The following TBL1X variants were observed in gnomAD, a reference collection of about 807,000 sequenced individuals.
TBL1X encodes the protein F-box-like/WD repeat-containing protein TBL1X.
A neutral mutation model predicts 50.7 loss-of-function variants in TBL1X; 10 were observed. The observed-to-expected ratio is 0.20, with a 90% CI of 0.12 to 0.33. The LOEUF (loss-of-function observed/expected upper bound fraction) is 0.33, where lower values mean the gene tolerates loss of function less well. TBL1X is among the 10% of genes least tolerant of loss of function. The probability of loss-of-function intolerance (pLI) is 1.00; values close to 1 mark genes in which losing one functional copy is unlikely to be tolerated. For missense variants in TBL1X, 340 were observed against 504.4 expected, an observed-to-expected ratio of 0.67 and a Z score of 3.12; for synonymous variants, 190 against 214.7, an observed-to-expected ratio of 0.88 and a Z score of 1.01.
chrX:9,572,895 C>T (rs1368477256), intron 2 of TBL1X, among the ~76,000 whole-genome samples: 4 of 112,342 alleles, frequency 3.6e-5, no homozygotes, highest in African/African-American at 9.7e-5. Flanking sequence ...AGGAGGCAAG[C>T]GTGGAGCTTG....
chrX:9,682,327 G>A (rs1003480030), intron 5 of TBL1X, among the ~76,000 whole-genome samples: 2 of 112,185 alleles, frequency 1.8e-5, no homozygotes, highest in Non-Finnish European at 3.8e-5. Flanking sequence ...GGGGATAGGG[G>A]AACCTGGAAG....
At chrX:9,561,600 C>T (rs1002471689) in intron 2 of TBL1X, among the ~76,000 whole-genome samples, 18 of 111,797 alleles carry the variant, frequency 1.6e-4, no homozygotes, top group African/African-American at 5.2e-4. Context: ...CAGCTCTTCC[C>T]GATGGCATGA....
At chrX:9,535,535 CT>C (rs1289383092) in intron 2 of TBL1X, among the ~76,000 whole-genome samples, 1 of 112,519 alleles carries the variant, frequency 8.9e-6, no homozygotes, top group Admixed American at 9.4e-5. Context: ...CGCAGCCCCC[CT>C]GATGTGAGAG....
At chrX:9,679,270 C>A (rs2083011755) in intron 5 of TBL1X, among the ~76,000 whole-genome samples, 2 of 109,898 alleles carry the variant, frequency 1.8e-5, no homozygotes, top group Non-Finnish European at 3.8e-5. Flanking sequence ...TTGGTTGTTA[C>A]AATGGGAGTG....
At chrX:9,552,824 A>G (rs1043092828) in intron 2 of TBL1X, among the ~76,000 whole-genome samples, 1 of 111,843 alleles carries the variant, frequency 8.9e-6, no homozygotes, top group Admixed American at 9.5e-5. Context: ...TCTACATAGC[A>G]AAGTGGACTT....
chrX:9,474,511 G>A (rs898349337), intron 1 of TBL1X, among the ~76,000 whole-genome samples: 28 of 113,380 alleles, frequency 2.5e-4, no homozygotes, highest in African/African-American at 8.3e-4. Context: ...ACTTAGGGAA[G>A]AAAGAATATG....
In TBL1X at chrX:9,693,900, C is replaced by T. The variant is rs533799907; in HGVS notation, c.1053+481C>T. 3.1e-4 allele frequency among the ~76,000 whole-genome samples: 35 copies of T among 111,507 alleles called. No individual in the cohort carries two copies. The South Asian group carries it at 0.012, about 40-fold the overall frequency. ...ACCTGGCTACAAGGGCACGCTCTTC[C>T]GATGGCCCACAGAGCCAGGTTAGAA... On this transcript the variant is annotated intron_variant, in intron 11 of 17. Transcript: ENST00000645353.
At chrX:9,628,423 C>T (rs762829290) in intron 2 of TBL1X, among the ~76,000 whole-genome samples, 5 of 112,080 alleles carry the variant, frequency 4.5e-5, no homozygotes, top group Non-Finnish European at 9.4e-5. Context: ...CCAATATAAA[C>T]ATGCATTACT....
intron 2 of TBL1X, among the ~76,000 whole-genome samples, chrX:9,573,611 G>A (rs981964335): frequency 2.7e-5 from 3 of 112,688 alleles, no homozygotes; most frequent in Non-Finnish European, 3.8e-5. Context: ...GCAGGGGCTG[G>A]CGTGACCTCA....
intron 1 of TBL1X, among the ~76,000 whole-genome samples, chrX:9,490,836 C>T (rs1017101107): frequency 2.7e-5 from 3 of 111,222 alleles, no homozygotes; most frequent in Non-Finnish European, 5.7e-5. Flanking sequence ...ATAAATGGAC[C>T]GTTTATTTGG....
chrX:9,474,131 T>C (rs966242573), intron 1 of TBL1X, among the ~76,000 whole-genome samples: 1 of 113,087 alleles, frequency 8.8e-6, no homozygotes, highest in African/African-American at 3.2e-5. Context: ...GAAGAAATTA[T>C]GAAAATGTCC....
intron 1 of TBL1X, among the ~76,000 whole-genome samples, chrX:9,491,338 ATT>A (rs1157943868): frequency 4.1e-3 from 129 of 31,275 alleles, no homozygotes; most frequent in Middle Eastern, 0.032. Context: ...ATATATATAT[ATT>A]TTTTTTTTTT....
Position 9,709,214 on chromosome X carries a change from G to C in TBL1X, c.1237-34G>C, listed in dbSNP as rs1165668305. On this transcript the variant is annotated intron_variant, in intron 13 of 17. Transcript: ENST00000645353. ...GTGACCTCATCTACTCACAGGCCCT[G>C]ATGTCTTTTTCACACTCTTCTGCTC... The C allele has an allele frequency of 6.7e-6, 8 of 1,194,294 alleles. No individual in the cohort carries two copies. In the East Asian group the frequency reaches 1.5e-4, roughly 22 times the overall value.
At chrX:9,533,961 C>T (rs1159974943) in intron 2 of TBL1X, among the ~76,000 whole-genome samples, 7 of 111,451 alleles carry the variant, frequency 6.3e-5, no homozygotes, top group African/African-American at 1.3e-4. Context: ...AGTGAAGCAC[C>T]GGCTTGCCGT....
chrX:9,575,452 C>G (rs749775039), intron 2 of TBL1X, among the ~76,000 whole-genome samples: 5 of 111,866 alleles, frequency 4.5e-5, no homozygotes, highest in Non-Finnish European at 9.4e-5. Context: ...CAGGTAAATA[C>G]TCACAACATA....
At position 9,563,305 on chromosome X, in the gene TBL1X, T is replaced by A. The variant is rs776230124; in HGVS notation, c.-131+61456T>A. Among the ~76,000 whole-genome samples, 5 of 113,163 alleles carry A rather than the reference T, an allele frequency of 4.4e-5. No individual in the cohort carries two copies. The South Asian group carries it at 1.8e-3, about 41-fold the overall frequency. The stretch of plus-strand genomic sequence containing the variant: ...GTACTTGAAGGAGTACTGTTTATAC[T>A]TCAGGGGCAATAAAATCCATGTTTA... On this transcript the variant is annotated intron_variant, in intron 2 of 17. Transcript: ENST00000645353.
intron 2 of TBL1X, among the ~76,000 whole-genome samples, chrX:9,562,896 C>A (rs1008250202): frequency 8.9e-6 from 1 of 112,261 alleles, no homozygotes; most frequent in Non-Finnish European, 1.9e-5. Flanking sequence ...TCGAATGGAA[C>A]AGGAGGCTCA....
At position 9,612,140 on chromosome X, in the gene TBL1X, G is replaced by A. The variant is rs181893635; in HGVS notation, c.-130-28133G>A. Among the ~76,000 whole-genome samples the A allele has an allele frequency of 3.3e-3, 368 of 112,724 alleles. 1 individual carries two copies. Among genetic ancestry groups the A allele is most frequent in the African/African-American group, 0.011 (353 of 31,100 alleles). Reference sequence around the variant, plus strand: ...AAATCGCTTTTTGTTTCCTAGAGAAGGCTAGTCTTCAGCGAGAACAACTTG... The same window carrying A: ...AAATCGCTTTTTGTTTCCTAGAGAAAGCTAGTCTTCAGCGAGAACAACTTG... On this transcript the variant is annotated intron_variant, in intron 2 of 17. Coordinates refer to ENST00000645353, the MANE Select transcript of TBL1X (RefSeq NM_005647.4).
chrX:9,704,223 C>A (rs1364778237), intron 12 of TBL1X, among the ~76,000 whole-genome samples: 1 of 112,210 alleles, frequency 8.9e-6, no homozygotes, highest in African/African-American at 3.2e-5. Context: ...CCCTAATTAT[C>A]CCCTAGTCAA....
Sources: gnomAD v4.1 joint callset for allele counts (sites outside exome capture counted in the v4.1 genomes callset) on GRCh38, gnomAD v4.1.1 for gene constraint, MANE v1.5 for transcripts, NCBI Gene and HGNC (gene_info 2026-07-23, HGNC 2026-07-21) for gene names.